Variants in NT5DC1 observed in about 807,000 individuals in gnomAD.
NT5DC1 encodes 5'-nucleotidase domain-containing protein 1.
In NT5DC1, 42 loss-of-function variants were observed where a neutral mutation model predicts 59.4. That is an observed-to-expected ratio of 0.71 (90% CI 0.55 to 0.92). NT5DC1 has a LOEUF of 0.92. Ranked by LOEUF, NT5DC1 falls within the 40% of genes least tolerant of loss-of-function variation. The pLI is 0.00. For synonymous variants in NT5DC1, 172 were observed against 188.1 expected (o/e 0.91, Z 0.70); for missense variants, 501 against 537.1 (o/e 0.93, Z 0.66).
intron 6 of NT5DC1, among the ~76,000 whole-genome samples, chr6:116,196,186 C>A (rs1172679018): frequency 1.3e-5 from 2 of 152,022 alleles, no homozygotes; most frequent in East Asian, 3.9e-4. Flanking sequence ...AAGCATCTAA[C>A]TTCCTTGATG....
chr6:116,144,313 C>T (rs1779841220), intron 6 of NT5DC1, among the ~76,000 whole-genome samples: 1 of 152,072 alleles, frequency 6.6e-6, no homozygotes, highest in Non-Finnish European at 1.5e-5. Flanking sequence ...CCATCCTGGC[C>T]AACATGGTGA....
intron 6 of NT5DC1, among the ~76,000 whole-genome samples, chr6:116,163,454 G>C (rs540961698): frequency 1.3e-5 from 2 of 151,880 alleles, no homozygotes; most frequent in African/African-American, 2.4e-5. Flanking sequence ...TATTTCTGTG[G>C]TATCAATTTT....
At chr6:116,154,578 A>G (rs773451217) in intron 6 of NT5DC1, among the ~76,000 whole-genome samples, 1 of 152,356 alleles carries the variant, frequency 6.6e-6, no homozygotes, top group Non-Finnish European at 1.5e-5. Context: ...AAAAAATGCT[A>G]GAACAGTGAG....
chr6:116,196,955 T>C lies in NT5DC1; in HGVS notation c.530-24099T>C, dbSNP rs144902506. Among the ~76,000 whole-genome samples the C allele has an allele frequency of 4.0e-5, 6 of 151,770 alleles. No homozygotes were observed. In the East Asian group the frequency reaches 9.8e-4, roughly 25 times the overall value. ...AATAGCCATGTTTTCTCCAGAGTTC[T>C]ATCTAGTTGCATCTGACCAGCTCTT... On this transcript the variant is annotated intron_variant, in intron 6 of 11. Coordinates refer to ENST00000319550, the MANE Select transcript of NT5DC1 (RefSeq NM_152729.3).
intron 4 of NT5DC1, among the ~76,000 whole-genome samples, chr6:116,114,726 G>C (rs1466603826): frequency 6.6e-6 from 1 of 152,102 alleles, no homozygotes; most frequent in Non-Finnish European, 1.5e-5. Context: ...CAGGAGTGAA[G>C]GAATGAGAGG....
chr6:116,156,833 T>G (rs554012874), intron 6 of NT5DC1, among the ~76,000 whole-genome samples: 1 of 152,098 alleles, frequency 6.6e-6, no homozygotes, highest in Admixed American at 6.5e-5. Context: ...TCACGTCCTC[T>G]CCCCAGGCCA....
chr6:116,241,937 AAC>A (rs1562178961), intron 11 of NT5DC1, among the ~76,000 whole-genome samples: 1 of 19,314 alleles, frequency 5.2e-5, no homozygotes, highest in Non-Finnish European at 8.3e-5. Flanking sequence ...AAAAAAAAAA[AAC>A]AAAACAAAAA....
chr6:116,121,716 G>A (rs1410639324), intron 6 of NT5DC1: 6 of 1,614,080 alleles, frequency 3.7e-6, no homozygotes, highest in Non-Finnish European at 5.1e-6. Flanking sequence ...GGTCCTGGTA[G>A]GCCAGCTGGT....
intron 11 of NT5DC1, among the ~76,000 whole-genome samples, chr6:116,242,274 G>A (rs1029476821): frequency 4.9e-4 from 74 of 151,552 alleles, no homozygotes; most frequent in Non-Finnish European, 8.3e-4. Context: ...GGAGAATGGC[G>A]TGAACCCGGG....
intron 6 of NT5DC1, among the ~76,000 whole-genome samples, chr6:116,132,027 A>T (rs1779480270): frequency 6.6e-6 from 1 of 152,214 alleles, no homozygotes. Flanking sequence ...ATGGCTGCAT[A>T]GTATTCCATG....
rs1035083620 is a variant in NT5DC1 at position 116,110,630 on chromosome 6, C to T, written c.258-220C>T. On this transcript the variant is annotated intron_variant, in intron 3 of 11. Coordinates refer to ENST00000319550, the MANE Select transcript of NT5DC1 (RefSeq NM_152729.3). ...GTGTTGACCTCAGAGTGAGTATCTC[C>T]TAATCACCTGCTACTTGATGGATTA... 69 of 632,134 alleles carry T rather than the reference C, an allele frequency of 1.1e-4. No individual in the cohort carries two copies. The Middle Eastern group carries it at 1.6e-3, about 15-fold the overall frequency. The allele number at this position is 632,134 out of a possible 1,614,324, so 39.2% of individuals were successfully genotyped here.
chr6:116,233,999 A>G, intron 8 of NT5DC1, among the ~76,000 whole-genome samples: 1 of 102,970 alleles, frequency 9.7e-6, no homozygotes, highest in African/African-American at 3.8e-5. Context: ...TTTTTTTGAG[A>G]CGGAATCTCA....
intron 6 of NT5DC1, among the ~76,000 whole-genome samples, chr6:116,157,568 A>T (rs1780227599): frequency 6.6e-6 from 1 of 152,240 alleles, no homozygotes; most frequent in Non-Finnish European, 1.5e-5. Flanking sequence ...GATCAAGTGT[A>T]TGTGAAATTG....
At chr6:116,207,744 C>T (rs1322627170) in intron 6 of NT5DC1, among the ~76,000 whole-genome samples, 1 of 151,886 alleles carries the variant, frequency 6.6e-6, no homozygotes, top group Non-Finnish European at 1.5e-5. Flanking sequence ...CAACTGTGAA[C>T]CCCTCGTGCC....
At chr6:116,172,614 CA>C (rs1780636469) in intron 6 of NT5DC1, among the ~76,000 whole-genome samples, 1 of 152,116 alleles carries the variant, frequency 6.6e-6, no homozygotes, top group Admixed American at 6.5e-5. Context: ...GCCACCGCGC[CA>C]GGCCACACCT....
At chr6:116,145,558 G>T (rs2114379751) in intron 6 of NT5DC1, 1 of 252,772 alleles carries the variant, frequency 4.0e-6, no homozygotes, top group Non-Finnish European at 8.9e-6. Flanking sequence ...GTCATCTTAT[G>T]GATTATTCTT....
chr6:116,198,297 C>A (rs746922434), intron 6 of NT5DC1, among the ~76,000 whole-genome samples: 10 of 152,026 alleles, frequency 6.6e-5, no homozygotes, highest in Non-Finnish European at 1.2e-4. Flanking sequence ...AGAAAACAGT[C>A]AATGTGGCCA....
At chr6:116,123,004 T>A (rs1307614502) in intron 6 of NT5DC1, among the ~76,000 whole-genome samples, 1 of 152,192 alleles carries the variant, frequency 6.6e-6, no homozygotes, top group Non-Finnish European at 1.5e-5. Flanking sequence ...TTATATTATG[T>A]ATAAGTGGAT....
intron 6 of NT5DC1, among the ~76,000 whole-genome samples, chr6:116,160,044 C>G (rs1780292068): frequency 6.6e-6 from 1 of 152,036 alleles, no homozygotes; most frequent in South Asian, 2.1e-4. Flanking sequence ...AATTCCATGA[C>G]TTTGCTATTG....
Sources: allele counts gnomAD v4.1 joint callset (sites outside exome capture counted in the v4.1 genomes callset), GRCh38; gene constraint gnomAD v4.1.1; transcripts MANE v1.5; gene names NCBI Gene and HGNC (gene_info 2026-07-23, HGNC 2026-07-21).